Variants in CSNK1E observed in about 807,000 individuals in gnomAD.
CSNK1E encodes the protein casein kinase I isoform epsilon.
A neutral mutation model predicts 46.1 loss-of-function variants in CSNK1E; 17 were observed. The observed-to-expected ratio is 0.37, with a 90% CI of 0.25 to 0.55. The LOEUF (loss-of-function observed/expected upper bound fraction) is 0.55. Ranked by LOEUF, CSNK1E falls within the 20% of genes least tolerant of loss-of-function variation. The pLI is 0.82. For synonymous variants in CSNK1E, 241 were observed against 242.6 expected, an observed-to-expected ratio of 0.99 and a Z score of 0.06; for missense variants, 386 against 595.4, an observed-to-expected ratio of 0.65 and a Z score of 3.66.
intron 7 of CSNK1E, among the ~76,000 whole-genome samples, chr22:38,297,353 C>T (rs116735360): frequency 9.9e-4 from 151 of 152,330 alleles, no homozygotes; most frequent in African/African-American, 3.5e-3. Flanking sequence ...TCAGAGAAGA[C>T]GTCCCCTGCC....
chr22:38,307,734 C>T (rs2092704622), intron 2 of CSNK1E, among the ~76,000 whole-genome samples: 1 of 152,106 alleles, frequency 6.6e-6, no homozygotes, highest in Non-Finnish European at 1.5e-5. Flanking sequence ...TCTCAATCTG[C>T]CACCCAGGCT....
In CSNK1E at chr22:38,293,256, T is replaced by G. The variant is rs2092620928; in HGVS notation, c.*31A>C. ...CATCTGCAGCAGTCATGGACTCACCTAAGCAAACACTGGTCCAATGGGGGC... is the reference window on the plus strand; with the variant it reads ...CATCTGCAGCAGTCATGGACTCACCGAAGCAAACACTGGTCCAATGGGGGC... On this transcript the variant is annotated splice_region_variant and 3_prime_UTR_variant, in exon 10 of 11. Coordinates refer to ENST00000396832, the MANE Select transcript of CSNK1E (RefSeq NM_152221.3). The G allele has an allele frequency of 6.2e-7, 1 of 1,612,464 alleles. No individual in the cohort carries two copies. The highest frequency in any genetic ancestry group is 8.5e-7 in the Non-Finnish European group (1 of 1,179,312).
Position 38,296,711 on chromosome 22 carries a change from G to A in CSNK1E, c.885+2075C>T, listed in dbSNP as rs186493941. The stretch of plus-strand genomic sequence containing the variant: ...CCTGGTTGGAAAAGAGATCTTGCTG[G>A]CTAGACAGTCTTGTGAGACTCCATA... On this transcript the variant is annotated intron_variant, in intron 7 of 10. Transcript: ENST00000396832. 175 of 1,608,420 alleles carry A rather than the reference G, an allele frequency of 1.1e-4. 1 individual carries two copies. The East Asian group carries it at 3.8e-3, about 35-fold the overall frequency.
intron 10 of CSNK1E, chr22:38,293,051 C>T (rs2092619734): frequency 8.4e-6 from 5 of 595,220 alleles, no homozygotes; most frequent in Non-Finnish European, 1.2e-5. Flanking sequence ...AGGGGTCAGG[C>T]CTGAGCATAG....
chr22:38,316,105 A>AG (rs60327507), intron 1 of CSNK1E, among the ~76,000 whole-genome samples: 21 of 151,130 alleles, frequency 1.4e-4, no homozygotes, highest in South Asian at 4.2e-4. Flanking sequence ...CCCATGGGGG[A>AG]GGGGGGGAGA....
chr22:38,308,154 A>C (rs1417041633), intron 2 of CSNK1E, among the ~76,000 whole-genome samples: 1 of 152,216 alleles, frequency 6.6e-6, no homozygotes, highest in Admixed American at 6.5e-5. Flanking sequence ...AGAATCATAC[A>C]ACGTGATTTT....
chr22:38,295,878 G>A (rs2267383), intron 7 of CSNK1E, among the ~76,000 whole-genome samples: 2,836 of 152,340 alleles, frequency 0.019, 69 homozygotes, highest in African/African-American at 0.059. Context: ...GCTCCCACTC[G>A]GTTGCAGGCT....
rs2145847593 is a variant in CSNK1E at position 38,309,226 on chromosome 22, G to C, written c.76+4856C>G. Among the ~76,000 whole-genome samples, 1 of 152,346 alleles carries C rather than the reference G, an allele frequency of 6.6e-6. No individual in the cohort carries two copies. The highest frequency in any genetic ancestry group is 1.9e-4 in the East Asian group (1 of 5,176). The stretch of plus-strand genomic sequence containing the variant: ...GATACGAAAGGGCTGGAGGAGGCTA[G>C]AGGGGTAGTGGAAGGCCTGGGAAGG... On this transcript the variant is annotated intron_variant, in intron 2 of 10. Transcript: ENST00000396832. This position sits in a 1 kb window ranked among gnomAD's most constrained non-coding sequence, Gnocchi z 4.8.
chr22:38,317,189 C>G lies in CSNK1E; in HGVS notation c.-42G>C, dbSNP rs927463089. 2 of 151,124 alleles carry G rather than the reference C, an allele frequency of 1.3e-5. No homozygotes were observed. The highest frequency in any genetic ancestry group is 4.9e-5 in the African/African-American group (2 of 41,216). The allele number at this position is 151,124 out of a possible 1,614,324, so 9.4% of individuals were successfully genotyped here. The stretch of plus-strand genomic sequence containing the variant: ...CCGGGAAGGCGCCGATGCCGGGCCA[C>G]TGCTCGGGGGGCTGCCGCGGGCGGG... On this transcript the variant is annotated 5_prime_UTR_variant, in exon 1 of 11. Coordinates refer to ENST00000396832, the MANE Select transcript of CSNK1E (RefSeq NM_152221.3).
At position 38,290,802 on chromosome 22, in the gene CSNK1E, T is replaced by C. The variant is rs555472705; in HGVS notation, c.*1169A>G. ...CAAAATTCCCCCCAAAGTTCTTCAG[T>C]TTTTTTTTTTTCAGTTTTTTAAATT... On this transcript the variant is annotated 3_prime_UTR_variant, in exon 11 of 11. Coordinates refer to ENST00000396832, the MANE Select transcript of CSNK1E (RefSeq NM_152221.3). The C allele has an allele frequency of 7.3e-6, 1 of 136,474 alleles. No homozygotes were observed. The highest frequency in any genetic ancestry group is 7.2e-5 in the Admixed American group (1 of 13,970). 8.5% of individuals were successfully genotyped at this position (136,474 alleles called of 1,614,324 possible). A position where few individuals can be genotyped will look rare whatever the true frequency, so the allele number is the denominator to read the frequency against.
chr22:38,313,647 GC>G (rs1486525323), intron 2 of CSNK1E, among the ~76,000 whole-genome samples: 11 of 152,212 alleles, frequency 7.2e-5, no homozygotes, highest in African/African-American at 2.4e-4. Flanking sequence ...CCCAAAGCCT[GC>G]CTGGGCTGGG....
In CSNK1E at chr22:38,303,446, T is replaced by C. The variant is rs1322738307; in HGVS notation, c.77-198A>G. Among the ~76,000 whole-genome samples, 2 of 151,870 alleles carry C rather than the reference T, an allele frequency of 1.3e-5. No individual in the cohort carries two copies. Among genetic ancestry groups the C allele is most frequent in the East Asian group, 3.9e-4 (2 of 5,174 alleles). The stretch of plus-strand genomic sequence containing the variant: ...CTGAGGGGAAAGAAGGTCAGCGCTG[T>C]GAGGGACAGAGGTGACACACAAGGG... On this transcript the variant is annotated intron_variant, in intron 2 of 10. Coordinates refer to ENST00000396832, the MANE Select transcript of CSNK1E (RefSeq NM_152221.3). This position sits in a 1 kb window ranked among gnomAD's most constrained non-coding sequence, Gnocchi z 4.7.
chr22:38,296,430 C>T, intron 7 of CSNK1E: 1 of 1,454,040 alleles, frequency 6.9e-7, no homozygotes, highest in Admixed American at 2.7e-5. Flanking sequence ...CACAGGGTGT[C>T]CTGTCTACTG....
In CSNK1E at chr22:38,296,130, G is replaced by A. The variant is rs2092639230; in HGVS notation, c.886-1596C>T. The A allele has an allele frequency of 4.0e-6, 4 of 988,562 alleles. No homozygotes were observed. In the South Asian group the frequency reaches 1.9e-4, roughly 46 times the overall value. 61.2% of individuals were successfully genotyped at this position (988,562 alleles called of 1,614,324 possible). On this transcript the variant is annotated intron_variant, in intron 7 of 10. Coordinates refer to ENST00000396832, the MANE Select transcript of CSNK1E (RefSeq NM_152221.3). Reference sequence around the variant, plus strand: ...GTGAGCCCAGCAGGCTCAGGCCATTGCCAGCCCCGAGGCAAGAAGTGGGCG... The same window carrying A: ...GTGAGCCCAGCAGGCTCAGGCCATTACCAGCCCCGAGGCAAGAAGTGGGCG...
Position 38,298,120 on chromosome 22 carries a change from A to G in CSNK1E, c.885+666T>C. ...AGTACGTGGGTGAGTACGTGGGCCC[A>G]GCACAGGGACAGGGGCGGGGACAGA... On this transcript the variant is annotated intron_variant, in intron 7 of 10. Coordinates refer to ENST00000396832, the MANE Select transcript of CSNK1E (RefSeq NM_152221.3). This position sits in a 1 kb window ranked among gnomAD's most constrained non-coding sequence, Gnocchi z 4.2. The G allele has an allele frequency of 7.8e-7, 1 of 1,282,562 alleles. No homozygotes were observed. Among genetic ancestry groups the G allele is most frequent in the Non-Finnish European group, 1.0e-6 (1 of 977,954 alleles). The allele number at this position is 1,282,562 out of a possible 1,614,324, so 79.4% of individuals were successfully genotyped here.
At chr22:38,311,561 C>T (rs1353812749) in intron 2 of CSNK1E, among the ~76,000 whole-genome samples, 1 of 152,206 alleles carries the variant, frequency 6.6e-6, no homozygotes, top group African/African-American at 2.4e-5. Flanking sequence ...GAGCTGTCTC[C>T]ATGCCCTTTG....
intron 7 of CSNK1E, chr22:38,297,909 A>C: frequency 9.2e-7 from 1 of 1,086,218 alleles, no homozygotes; most frequent in Non-Finnish European, 1.1e-6. Context: ...TGGAGTCCAG[A>C]CCACAGGCCA....
At chr22:38,304,340 C>A (rs1056068690) in intron 2 of CSNK1E, among the ~76,000 whole-genome samples, 3 of 152,040 alleles carry the variant, frequency 2.0e-5, no homozygotes, top group African/African-American at 4.8e-5. Flanking sequence ...AGAAAAGACA[C>A]CATGGCTCAC....
At position 38,298,053 on chromosome 22, in the gene CSNK1E, G is replaced by A; in HGVS notation, c.885+733C>T. Reference sequence around the variant, plus strand: ...TCAGCCTCTTGCGCTCACTGGTCAAGTGGCAAATTTTGGAAAAGCCAGACC... The same window carrying A: ...TCAGCCTCTTGCGCTCACTGGTCAAATGGCAAATTTTGGAAAAGCCAGACC... On this transcript the variant is annotated intron_variant, in intron 7 of 10. Coordinates refer to ENST00000396832, the MANE Select transcript of CSNK1E (RefSeq NM_152221.3). This position sits in a 1 kb window ranked among gnomAD's most constrained non-coding sequence, Gnocchi z 4.2. The A allele has an allele frequency of 1.7e-6, 2 of 1,171,104 alleles. No individual in the cohort carries two copies. The highest frequency in any genetic ancestry group is 1.1e-6 in the Non-Finnish European group (1 of 922,626). 72.5% of individuals were successfully genotyped at this position (1,171,104 alleles called of 1,614,324 possible).
Sources: allele counts gnomAD v4.1 joint callset (sites outside exome capture counted in the v4.1 genomes callset), GRCh38; gene constraint gnomAD v4.1.1; non-coding constraint Gnocchi (gnomAD v3.1); transcripts MANE v1.5; gene names NCBI Gene and HGNC (gene_info 2026-07-23, HGNC 2026-07-21).